The following TSPAN3 variants were observed in gnomAD, a reference collection of about 807,000 sequenced individuals.
TSPAN3 encodes tetraspanin 3, also known as tetraspanin-3.
Under a neutral mutation model 31.1 loss-of-function variants are expected in TSPAN3, and 9 were observed. That is an observed-to-expected ratio of 0.29 (90% CI 0.17 to 0.50). TSPAN3 has a LOEUF of 0.50. Among genes scored for constraint, TSPAN3 ranks in the 20% least tolerant of loss-of-function variants. The pLI is 0.98. For missense variants in TSPAN3, 252 were observed against 313.5 expected, an observed-to-expected ratio of 0.80 and a Z score of 1.48; for synonymous variants, 129 against 114.3, an observed-to-expected ratio of 1.13 and a Z score of -0.82.
intron 3 of TSPAN3, 34 bp from the exon 4 acceptor site, chr15:77,054,313 A>G: frequency 3.5e-6 from 5 of 1,442,582 alleles, no homozygotes; most frequent in Non-Finnish European, 4.9e-6. Flanking sequence ...TCCCTCAAAA[A>G]TACTAGTAAA....
At chr15:77,052,545 T>C in intron 5 of TSPAN3, 77 bp from the exon 6 acceptor site, 1 of 1,377,054 alleles carries the variant, frequency 7.3e-7, no homozygotes, top group Non-Finnish European at 1.0e-6. Flanking sequence ...CACTACCCAC[T>C]TACAGAAAGG....
chr15:77,056,075 C>T lies in TSPAN3; in HGVS notation c.244G>A (p.Gly82Arg). 3 of 1,607,836 alleles carry T rather than the reference C, an allele frequency of 1.9e-6. No homozygotes were observed. Among genetic ancestry groups the T allele is most frequent in the Non-Finnish European group, 2.5e-6 (3 of 1,177,524 alleles). The change falls in exon 2 of 7, where the codon GGA (glycine) becomes AGA (arginine). Residue 82 changes from glycine (G) to arginine (R), a missense_variant. Coordinates refer to ENST00000267970, the MANE Select transcript of TSPAN3 (RefSeq NM_005724.6). Reference sequence around the variant, plus strand: ...ACAACACATCTTACCGTGGCAAGTCCACAGCGACTTTCCCGGATTGTGGCA... The same window carrying T: ...ACAACACATCTTACCGTGGCAAGTCTACAGCGACTTTCCCGGATTGTGGCA... ...CCATIRESRCGLATFVIILLL... is the reference protein window; with the variant it reads ...CCATIRESRCRLATFVIILLL...
rs1215966102 is a variant in TSPAN3 at position 77,046,558 on chromosome 15, A to G, written c.*277T>C. 1 of 474,076 alleles carries G rather than the reference A, an allele frequency of 2.1e-6. No individual in the cohort carries two copies. Among genetic ancestry groups the G allele is most frequent in the Non-Finnish European group, 3.7e-6 (1 of 269,228 alleles). The allele number at this position is 474,076 out of a possible 1,614,324, so 29.4% of individuals were successfully genotyped here. On this transcript the variant is annotated 3_prime_UTR_variant, in exon 7 of 7. Transcript: ENST00000267970. ...AGAAGCAGGCTCGTGTCCTCCTTTA[A>G]TTCTACCACACTACATGACTCGCAA...
Position 77,046,194 on chromosome 15 carries a change from A to C in TSPAN3, c.*641T>G, listed in dbSNP as rs1041852910. The C allele has an allele frequency of 5.2e-6, 2 of 387,454 alleles. No individual in the cohort carries two copies. The highest frequency in any genetic ancestry group is 1.4e-4 in the South Asian group (1 of 6,908). 24.0% of individuals were successfully genotyped at this position (387,454 alleles called of 1,614,324 possible). On this transcript the variant is annotated 3_prime_UTR_variant, in exon 7 of 7. Transcript: ENST00000267970. The stretch of plus-strand genomic sequence containing the variant: ...AAACACACTCACACTAATTCTTTTA[A>C]AACAGTAGTGCATACATTATACTCC...
At chr15:77,060,102 T>C (rs1261992626) in intron 1 of TSPAN3, among the ~76,000 whole-genome samples, 4 of 152,192 alleles carry the variant, frequency 2.6e-5, no homozygotes, top group Non-Finnish European at 4.4e-5. Context: ...CAGTTTTTTT[T>C]CCCAGGCTGC....
rs182507394 is a variant in TSPAN3, at chr15:77,062,807, G to C, written c.64-6552C>G. 3.3e-5 allele frequency among the ~76,000 whole-genome samples: 5 copies of C among 152,220 alleles called. No individual in the cohort carries two copies. The East Asian group carries it at 7.7e-4, about 23-fold the overall frequency. ...CAAAAATGAAAATGAAAAAGCCCTG[G>C]TATTCAGAGGTGTGTCTGCATTCAG... is the stretch of plus-strand genomic sequence containing the variant. On this transcript the variant is annotated intron_variant, in intron 1 of 6. Transcript: ENST00000267970.
At chr15:77,066,249 G>A (rs970208178) in intron 1 of TSPAN3, among the ~76,000 whole-genome samples, 3 of 152,206 alleles carry the variant, frequency 2.0e-5, no homozygotes, top group African/African-American at 7.2e-5. Flanking sequence ...CAAAGGTGCA[G>A]TTTACAGAAT....
intron 6 of TSPAN3, among the ~76,000 whole-genome samples, chr15:77,047,382 G>C (rs989790353): frequency 1.3e-5 from 2 of 152,154 alleles, no homozygotes; most frequent in Non-Finnish European, 2.9e-5. Flanking sequence ...GACAGCAAAG[G>C]CCTGGGGAGT....
At chr15:77,058,366 T>C (rs1307695417) in intron 1 of TSPAN3, among the ~76,000 whole-genome samples, 1 of 152,182 alleles carries the variant, frequency 6.6e-6, no homozygotes, top group African/African-American at 2.4e-5. Flanking sequence ...GGACCACATA[T>C]TCTCTCACTT....
chr15:77,055,809 C>T lies in TSPAN3; in HGVS notation c.310G>A (p.Gly104Arg), dbSNP rs1431544305. 1 of 1,610,476 alleles carries T rather than the reference C, an allele frequency of 6.2e-7. No individual in the cohort carries two copies. The highest frequency in any genetic ancestry group is 8.5e-7 in the Non-Finnish European group (1 of 1,179,204). Residue 104 changes from glycine (G) to arginine (R), a missense_variant, in exon 3 of 7, where the codon GGA (glycine) becomes AGA (arginine). Coordinates refer to ENST00000267970, the MANE Select transcript of TSPAN3 (RefSeq NM_005724.6). ...FVTEVVVVVL[G>R]YVYRAKVENE... ...CATACCTTTGCTCTGTAAACATATCCCAAAACCACTACAACAACTTCTGTG... is the reference window on the plus strand; with the variant it reads ...CATACCTTTGCTCTGTAAACATATCTCAAAACCACTACAACAACTTCTGTG...
At position 77,056,084 on chromosome 15, in the gene TSPAN3, T is replaced by G. The variant is rs771749795; in HGVS notation, c.235A>C (p.Ser79Arg). ...LIGCCATIRE[S>R]RCGLATFVII... Reference sequence around the variant, plus strand: ...CTTACCGTGGCAAGTCCACAGCGACTTTCCCGGATTGTGGCACAGCAGCCA... The same window carrying G: ...CTTACCGTGGCAAGTCCACAGCGACGTTCCCGGATTGTGGCACAGCAGCCA... The change falls in exon 2 of 7, where the codon AGT (serine) becomes CGT (arginine). Residue 79 changes from serine to arginine, a missense_variant. Physicochemically the swap from Ser to Arg is moderately radical, Grantham distance 110. Transcript: ENST00000267970. 1 of 1,609,906 alleles carries G rather than the reference T, an allele frequency of 6.2e-7. No individual in the cohort carries two copies. The highest frequency in any genetic ancestry group is 1.7e-5 in the Admixed American group (1 of 59,092).
At chr15:77,058,808 T>C (rs903675046) in intron 1 of TSPAN3, among the ~76,000 whole-genome samples, 1 of 152,256 alleles carries the variant, frequency 6.6e-6, no homozygotes, top group Non-Finnish European at 1.5e-5. Flanking sequence ...TGGTTTCTCT[T>C]CAGTTCAATG....
Position 77,070,978 on chromosome 15 carries a change from C to T in TSPAN3, c.-24G>A. The stretch of plus-strand genomic sequence containing the variant: ...ATGGCGCCGGTGGCCCGCGAAGGCC[C>T]GGCCCGGAGAGCGGGGCTGCGCTCA... On this transcript the variant is annotated 5_prime_UTR_variant, in exon 1 of 7. Coordinates refer to ENST00000267970, the MANE Select transcript of TSPAN3 (RefSeq NM_005724.6). 2.1e-6 allele frequency: 3 copies of T among 1,416,974 alleles called. No homozygotes were observed. Among genetic ancestry groups the T allele is most frequent in the South Asian group, 1.4e-5 (1 of 69,810 alleles). 87.8% of individuals were successfully genotyped at this position (1,416,974 alleles called of 1,614,324 possible).
In TSPAN3 at chr15:77,070,880, G is replaced by T. The variant is rs557724502; in HGVS notation, c.63+12C>A. The T allele has an allele frequency of 2.9e-6, 4 of 1,373,978 alleles. No homozygotes were observed. The African/African-American group carries it at 4.6e-5, about 16-fold the overall frequency. The allele number at this position is 1,373,978 out of a possible 1,614,324, so 85.1% of individuals were successfully genotyped here. A position where few individuals can be genotyped will look rare whatever the true frequency, so the allele number is the denominator to read the frequency against. On this transcript the variant is annotated intron_variant, in intron 1 of 6. Coordinates refer to ENST00000267970, the MANE Select transcript of TSPAN3 (RefSeq NM_005724.6). Reference sequence around the variant, plus strand: ...CCGCCGCCGGCCCCTCGCTCTGCCCGGCCCCGCTCACCCAGAAGATGAGGT... The same window carrying T: ...CCGCCGCCGGCCCCTCGCTCTGCCCTGCCCCGCTCACCCAGAAGATGAGGT...
At chr15:77,059,103 G>A (rs2076785378) in intron 1 of TSPAN3, among the ~76,000 whole-genome samples, 1 of 152,040 alleles carries the variant, frequency 6.6e-6, no homozygotes, top group African/African-American at 2.4e-5. Flanking sequence ...TATTTTTTGA[G>A]ACGGAGTCTC....
chr15:77,062,864 T>C (rs1033897259), intron 1 of TSPAN3, among the ~76,000 whole-genome samples: 8 of 152,218 alleles, frequency 5.3e-5, no homozygotes, highest in African/African-American at 1.9e-4. Flanking sequence ...CATCATTTAA[T>C]AATATGCTTG....
At chr15:77,061,193 G>T (rs538473645) in intron 1 of TSPAN3, among the ~76,000 whole-genome samples, 5 of 152,096 alleles carry the variant, frequency 3.3e-5, no homozygotes, top group Admixed American at 6.5e-5. Flanking sequence ...TTTTGGGGGG[G>T]TAATTTTCAA....
chr15:77,069,746 G>A (rs947661674), intron 1 of TSPAN3: 1 of 152,360 alleles, frequency 6.6e-6, no homozygotes, highest in African/African-American at 2.4e-5. Flanking sequence ...CAGAACAGGT[G>A]TGCGTATGCG....
rs560122525 is a variant in TSPAN3 at position 77,071,092 on chromosome 15, G to C, written c.-138C>G. On this transcript the variant is annotated 5_prime_UTR_variant, in exon 1 of 7. Transcript: ENST00000267970. ...CCCGCAGCCCCTGCGCCGTCGCGCA[G>C]CCCCGACCCCAGCAAGTGCCTCGCT... 37 of 486,484 alleles carry C rather than the reference G, an allele frequency of 7.6e-5. No individual in the cohort carries two copies. Among genetic ancestry groups the C allele is most frequent in the African/African-American group, 6.6e-4 (32 of 48,340 alleles). 30.1% of individuals were successfully genotyped at this position (486,484 alleles called of 1,614,324 possible).
Sources: allele counts gnomAD v4.1 joint callset (sites outside exome capture counted in the v4.1 genomes callset), GRCh38; gene constraint gnomAD v4.1.1; transcripts MANE v1.5; gene names NCBI Gene and HGNC (gene_info 2026-07-23, HGNC 2026-07-21).